INVS: variants seen among roughly 807,000 people sequenced by gnomAD.
INVS encodes inversin, also known as inversion of embryo turning homolog.
INVS carries 86 observed loss-of-function variants against 108.8 expected under a neutral mutation model. The observed-to-expected ratio is 0.79, with a 90% CI of 0.66 to 0.95. The LOEUF is 0.95. Ranked by LOEUF, INVS falls within the 40% of genes least tolerant of loss-of-function variation. The probability of loss-of-function intolerance (pLI) is 0.00; values close to 1 mark genes in which losing one functional copy is unlikely to be tolerated. For missense variants in INVS, 1,169 were observed against 1,297.4 expected (o/e 0.90, Z 1.52); for synonymous variants, 455 against 473.5 (o/e 0.96, Z 0.51).
rs1386694263 is a variant in INVS, at chr9:100,229,673, A to T, written c.461A>T (p.His154Leu). The part of the protein sequence containing the change: ...TQDKNKQTAL[H>L]WSAYYNNPEH... ...TCGATTTTGCAGCAAACAGCTCTGCATTGGAGTGCCTACTACAATAACCCT... is the reference window on the plus strand; with the variant it reads ...TCGATTTTGCAGCAAACAGCTCTGCTTTGGAGTGCCTACTACAATAACCCT... The change falls in exon 5 of 17, where the codon CAT becomes CTT. Residue 154 changes from histidine to leucine, a missense_variant. His to Leu is a moderately conservative substitution (Grantham distance 99, BLOSUM62 -3). Coordinates refer to ENST00000262457, the MANE Select transcript of INVS (RefSeq NM_014425.5). The T allele has an allele frequency of 2.5e-6, 4 of 1,613,978 alleles. No individual in the cohort carries two copies. The African/African-American group carries it at 5.3e-5, about 22-fold the overall frequency.
At chr9:100,203,834 A>G (rs2118249698) in intron 3 of INVS, among the ~76,000 whole-genome samples, 1 of 152,220 alleles carries the variant, frequency 6.6e-6, no homozygotes, top group Middle Eastern at 3.4e-3. Flanking sequence ...TGTGTAAAAA[A>G]ATGGGTCCCA....
At chr9:100,110,752 G>T (rs1216198913) in intron 2 of INVS, among the ~76,000 whole-genome samples, 1 of 152,108 alleles carries the variant, frequency 6.6e-6, no homozygotes, top group African/African-American at 2.4e-5. Flanking sequence ...AATTTTTTAT[G>T]AATGTATTAA....
chr9:100,113,892 T>C (rs1478813851), intron 2 of INVS, among the ~76,000 whole-genome samples: 1 of 152,184 alleles, frequency 6.6e-6, no homozygotes, highest in Non-Finnish European at 1.5e-5. Flanking sequence ...CACTTTCATT[T>C]TGTCTATTCA....
In INVS at chr9:100,215,744, C is replaced by T. The variant is rs572781777; in HGVS notation, c.274-10318C>T. On this transcript the variant is annotated intron_variant, in intron 3 of 16. Transcript: ENST00000262457. ...ACTCCATATGGTGGAGCAGCAACAC[C>T]ATAACCTGAAAAATGTCTATGGTGG... Among the ~76,000 whole-genome samples the T allele has an allele frequency of 9.9e-5, 15 of 152,266 alleles. No individual in the cohort carries two copies. The South Asian group carries it at 2.5e-3, about 25-fold the overall frequency.
chr9:100,104,862 A>G (rs1827121557), intron 2 of INVS, among the ~76,000 whole-genome samples: 2 of 152,262 alleles, frequency 1.3e-5, no homozygotes, highest in South Asian at 4.1e-4. Flanking sequence ...CACTAAGTCT[A>G]GATAGATATT....
chr9:100,129,707 A>G, intron 3 of INVS: 1 of 713,264 alleles, frequency 1.4e-6, no homozygotes, highest in Non-Finnish European at 2.6e-6. Context: ...GGCAGGATCT[A>G]AGAGACTACA....
intron 10 of INVS, among the ~76,000 whole-genome samples, chr9:100,262,742 C>CTTGT (rs60585014): frequency 1.4e-5 from 2 of 146,692 alleles, no homozygotes; most frequent in African/African-American, 2.5e-5. Context: ...TTTTTGTTTG[C>CTTGT]TTGTTTGTTT....
intron 13 of INVS, among the ~76,000 whole-genome samples, chr9:100,286,218 A>C (rs900988244): frequency 6.6e-6 from 1 of 152,192 alleles, no homozygotes; most frequent in African/African-American, 2.4e-5. Context: ...TTATTGAGCC[A>C]CTCATTAATC....
At chr9:100,139,982 G>A (rs540298566) in intron 3 of INVS, among the ~76,000 whole-genome samples, 2 of 152,210 alleles carry the variant, frequency 1.3e-5, no homozygotes, top group African/African-American at 4.8e-5. Flanking sequence ...GAGAAATTTT[G>A]TACATTCGTT....
chr9:100,299,290 C>A (rs985878797), intron 16 of INVS, among the ~76,000 whole-genome samples: 15 of 152,260 alleles, frequency 9.9e-5, no homozygotes, highest in African/African-American at 3.1e-4. Flanking sequence ...CAAGCCCACC[C>A]ACATTAAGCA....
chr9:100,120,633 A>G (rs1827699458), intron 2 of INVS: 1 of 152,302 alleles, frequency 6.6e-6, no homozygotes, highest in Admixed American at 6.5e-5. Flanking sequence ...TCCACAAATA[A>G]CGATGTCCTT....
At chr9:100,187,524 T>TCTTTTTTC (rs1382918909) in intron 3 of INVS, among the ~76,000 whole-genome samples, 1 of 130,032 alleles carries the variant, frequency 7.7e-6, no homozygotes, top group Non-Finnish European at 1.7e-5. Flanking sequence ...ATCTATGATT[T>TCTTTTTTC]CTTTTTTTTT....
intron 11 of INVS, 97 bp downstream of exon 11, chr9:100,265,025 C>A: frequency 1.3e-6 from 1 of 774,612 alleles, no homozygotes; most frequent in Non-Finnish European, 2.3e-6. Flanking sequence ...TCACTGCAAC[C>A]TTCGCCTCCT....
At chr9:100,291,853 A>C (rs1833626206) in intron 13 of INVS, among the ~76,000 whole-genome samples, 1 of 152,194 alleles carries the variant, frequency 6.6e-6, no homozygotes, top group Non-Finnish European at 1.5e-5. Context: ...ATATCCCTTC[A>C]AGAGTGCTGG....
rs575441987 is a variant in INVS at position 100,219,329 on chromosome 9, A to G, written c.274-6733A>G. Reference sequence around the variant, plus strand: ...GCACATTAAAACACAGCTGTAGGCCAGGCACAGTGGTGCACGCCTGTAGCC... The same window carrying G: ...GCACATTAAAACACAGCTGTAGGCCGGGCACAGTGGTGCACGCCTGTAGCC... On this transcript the variant is annotated intron_variant, in intron 3 of 16. Transcript: ENST00000262457. 3.9e-4 allele frequency among the ~76,000 whole-genome samples: 59 copies of G among 152,358 alleles called. 1 individual carries two copies. In the South Asian group the frequency reaches 0.012, roughly 30 times the overall value.
intron 7 of INVS, among the ~76,000 whole-genome samples, chr9:100,245,378 C>CT (rs1832011681): frequency 6.6e-6 from 1 of 152,166 alleles, no homozygotes; most frequent in Admixed American, 6.5e-5. Flanking sequence ...CTCCCGGGTT[C>CT]AATCAATTCC....
chr9:100,195,518 C>T (rs957505010), intron 3 of INVS, among the ~76,000 whole-genome samples: 6 of 151,580 alleles, frequency 4.0e-5, no homozygotes, highest in African/African-American at 1.2e-4. Context: ...ACGGGAGTCT[C>T]GCTTTGTTGC....
intron 2 of INVS, among the ~76,000 whole-genome samples, chr9:100,124,651 G>A (rs376351039): frequency 9.2e-5 from 14 of 151,476 alleles, no homozygotes; most frequent in Middle Eastern, 6.8e-3. Context: ...TTTGTTTCAT[G>A]AGTGTTCATA....
At chr9:100,154,331 A>ATTT (rs780090630) in intron 3 of INVS, among the ~76,000 whole-genome samples, 772 of 68,538 alleles carry the variant, frequency 0.011, 115 homozygotes, top group African/African-American at 0.048. Flanking sequence ...CAACCGACTA[A>ATTT]TTTTTTTTTT....
Sources: gnomAD v4.1 joint callset for allele counts (sites outside exome capture counted in the v4.1 genomes callset) on GRCh38, gnomAD v4.1.1 for gene constraint, MANE v1.5 for transcripts, NCBI Gene and HGNC (gene_info 2026-07-23, HGNC 2026-07-21) for gene names.